STX8: variants seen among roughly 807,000 people sequenced by gnomAD.
The protein encoded by STX8 is syntaxin 8.
A neutral mutation model predicts 37.5 loss-of-function variants in STX8; 23 were observed. The observed-to-expected ratio is 0.61, with a 90% CI of 0.44 to 0.87. STX8 has a LOEUF of 0.87. Ranked by LOEUF, STX8 falls within the 40% of genes least tolerant of loss-of-function variation. The pLI is 0.00. For missense variants in STX8, 313 were observed against 284.7 expected (o/e 1.10, Z -0.71); for synonymous variants, 115 against 99.1 (o/e 1.16, Z -0.95).
chr17:9,547,647 G>A (rs139977492), intron 3 of STX8, among the ~76,000 whole-genome samples: 57 of 93,404 alleles, frequency 6.1e-4, no homozygotes, highest in Non-Finnish European at 7.1e-4. Context: ...AAAGAAAAAA[G>A]AAAAGAAAAG....
chr17:9,378,591 T>C lies in STX8; in HGVS notation c.604A>G (p.Arg202Gly). 5 of 1,613,894 alleles carry C rather than the reference T, an allele frequency of 3.1e-6. No individual in the cohort carries two copies. The highest frequency in any genetic ancestry group is 4.2e-6 in the Non-Finnish European group (5 of 1,179,826). The change falls in exon 7 of 8, where the codon AGG (arginine) becomes GGG (glycine). Residue 202 changes from arginine (R) to glycine (G), a missense_variant. By Grantham distance (125) the Arg-to-Gly change is moderately radical. Transcript: ENST00000306357. ...NTDEKLRNET[R>G]RVNMVDRKSA... ...TTTCTGTCCACCATGTTTACCCGCC[T>C]GGTTTCATTGCGAAGTTTTTCATCT...
chr17:9,518,248 ATCT>A (rs1597720518), intron 4 of STX8, among the ~76,000 whole-genome samples: 3 of 151,846 alleles, frequency 2.0e-5, no homozygotes, highest in Admixed American at 1.3e-4. Flanking sequence ...CACGACCAAA[ATCT>A]TCTCACTCAC....
intron 6 of STX8, among the ~76,000 whole-genome samples, chr17:9,429,390 A>G (rs1412660972): frequency 6.9e-6 from 1 of 144,842 alleles, no homozygotes; most frequent in East Asian, 2.0e-4. Context: ...ATATATTTAT[A>G]TATTATAAAT....
chr17:9,380,006 T>G (rs1201311593), intron 6 of STX8, among the ~76,000 whole-genome samples: 1 of 151,970 alleles, frequency 6.6e-6, no homozygotes, highest in Non-Finnish European at 1.5e-5. Context: ...TGAAATTCAT[T>G]TCTTTTTTAA....
chr17:9,339,064 C>G (rs2142228229), intron 7 of STX8, among the ~76,000 whole-genome samples: 1 of 131,912 alleles, frequency 7.6e-6, no homozygotes, highest in East Asian at 2.0e-4. Flanking sequence ...AAGCGAGACT[C>G]CGTCTCAAAA....
At chr17:9,559,354 C>A (rs2151915963) in intron 2 of STX8, among the ~76,000 whole-genome samples, 1 of 152,052 alleles carries the variant, frequency 6.6e-6, no homozygotes, top group Non-Finnish European at 1.5e-5. Flanking sequence ...AAAGCAAATT[C>A]AGAATTACAT....
chr17:9,460,903 T>C (rs1905354235), intron 6 of STX8, among the ~76,000 whole-genome samples: 1 of 151,624 alleles, frequency 6.6e-6, no homozygotes. Context: ...ATAATAATAA[T>C]ACTAACTTCA....
At chr17:9,267,420 C>T (rs1043720479) in intron 7 of STX8, among the ~76,000 whole-genome samples, 2 of 152,148 alleles carry the variant, frequency 1.3e-5, no homozygotes, top group Non-Finnish European at 2.9e-5. Context: ...GGATAGAAAG[C>T]GCTATGACCC....
intron 3 of STX8, among the ~76,000 whole-genome samples, chr17:9,551,535 C>T (rs971160080): frequency 9.2e-5 from 14 of 152,298 alleles, no homozygotes; most frequent in Admixed American, 4.6e-4. Context: ...CAATCCTTTA[C>T]GCCAGGTGGA....
intron 6 of STX8, among the ~76,000 whole-genome samples, chr17:9,412,616 C>T (rs1210935598): frequency 6.6e-6 from 1 of 152,128 alleles, no homozygotes; most frequent in Non-Finnish European, 1.5e-5. Flanking sequence ...TTAAATAAAG[C>T]AGAGTGGAAG....
chr17:9,363,473 G>A (rs1459070781), intron 7 of STX8, among the ~76,000 whole-genome samples: 1 of 152,164 alleles, frequency 6.6e-6, no homozygotes, highest in Non-Finnish European at 1.5e-5. Flanking sequence ...AAATAGTGTC[G>A]GGAAAGCATA....
At chr17:9,372,900 T>A (rs1317981503) in intron 7 of STX8, among the ~76,000 whole-genome samples, 1 of 148,986 alleles carries the variant, frequency 6.7e-6, no homozygotes, top group Non-Finnish European at 1.5e-5. Context: ...GGTCAGGAGA[T>A]CGAGACCAGC....
intron 6 of STX8, among the ~76,000 whole-genome samples, chr17:9,466,562 A>C (rs1175089350): frequency 6.6e-6 from 1 of 152,240 alleles, no homozygotes; most frequent in Admixed American, 6.5e-5. Context: ...AGCTCTTCAG[A>C]ATCCATACAA....
intron 7 of STX8, among the ~76,000 whole-genome samples, chr17:9,360,367 T>G (rs1269218123): frequency 6.6e-6 from 1 of 151,184 alleles, no homozygotes; most frequent in Non-Finnish European, 1.5e-5. Flanking sequence ...CCCGAGTAGC[T>G]GGGATTACAG....
At chr17:9,460,622 G>A (rs1166729912) in intron 6 of STX8, among the ~76,000 whole-genome samples, 4 of 145,168 alleles carry the variant, frequency 2.8e-5, no homozygotes, top group African/African-American at 7.7e-5. Context: ...GCAGTGAGCC[G>A]AGATCGTGCC....
intron 6 of STX8, among the ~76,000 whole-genome samples, chr17:9,460,551 T>C (rs1341680921): frequency 2.0e-5 from 3 of 151,564 alleles, no homozygotes; most frequent in Non-Finnish European, 4.4e-5. Flanking sequence ...TGGGCGCCTG[T>C]AGTCCCAGCT....
At chr17:9,558,832 A>G (rs1907093895) in intron 2 of STX8, among the ~76,000 whole-genome samples, 1 of 152,074 alleles carries the variant, frequency 6.6e-6, no homozygotes, top group African/African-American at 2.4e-5. Flanking sequence ...CAAAAAAAAA[A>G]AAAAGATAAA....
intron 7 of STX8, among the ~76,000 whole-genome samples, chr17:9,310,653 T>C (rs1909158958): frequency 6.6e-6 from 1 of 151,818 alleles, no homozygotes; most frequent in Admixed American, 6.6e-5. Context: ...TCTTGTGGGG[T>C]TGGGGAGGGG....
chr17:9,411,589 G>A (rs1425904554), intron 6 of STX8, among the ~76,000 whole-genome samples: 1 of 152,146 alleles, frequency 6.6e-6, no homozygotes, highest in Non-Finnish European at 1.5e-5. Flanking sequence ...ATTGCACATC[G>A]GAAAATTCCT....
Sources: allele counts gnomAD v4.1 joint callset (sites outside exome capture counted in the v4.1 genomes callset), GRCh38; gene constraint gnomAD v4.1.1; transcripts MANE v1.5; gene names NCBI Gene and HGNC (gene_info 2026-07-23, HGNC 2026-07-21).